Variants in BCAR1 observed in about 807,000 individuals in gnomAD.
BCAR1 encodes the protein breast cancer anti-estrogen resistance protein 1.
Under a neutral mutation model 67.6 loss-of-function variants are expected in BCAR1, and 30 were observed. That is an observed-to-expected ratio of 0.44 (90% CI 0.33 to 0.60). The LOEUF is 0.60. Ranked by LOEUF, BCAR1 falls within the 20% of genes least tolerant of loss-of-function variation. BCAR1 has a pLI of 0.02. For missense variants in BCAR1, 1,313 were observed against 1,222.3 expected, an observed-to-expected ratio of 1.07 and a Z score of -1.11; for synonymous variants, 626 against 556.7, an observed-to-expected ratio of 1.12 and a Z score of -1.75.
At position 75,228,603 on chromosome 16, in the gene BCAR1, T is replaced by G. The variant is rs2076784997; in HGVS notation, c.*908A>C. 1 of 152,394 alleles carries G rather than the reference T, an allele frequency of 6.6e-6. No homozygotes were observed. The allele number at this position is 152,394 out of a possible 1,614,324, so 9.4% of individuals were successfully genotyped here. ...GATGAGATTCTTTTAAGCAGAGCTC[T>G]GGATGCAGCCCCCAGCGGTGCCCTC... On this transcript the variant is annotated 3_prime_UTR_variant, in exon 7 of 7. Transcript: ENST00000162330.
chr16:75,267,393 CCG>C (rs1491496537), intron 1 of BCAR1, among the ~76,000 whole-genome samples: 1 of 25,760 alleles, frequency 3.9e-5, no homozygotes, highest in African/African-American at 9.2e-5. Flanking sequence ...CCACAGCAAG[CCG>C]GGGGGGGGGT....
intron 2 of BCAR1, 87 bp downstream of exon 2, chr16:75,242,383 T>A: frequency 7.6e-7 from 1 of 1,319,910 alleles, no homozygotes; most frequent in Non-Finnish European, 9.7e-7. Context: ...ATGCCGGTGA[T>A]TGAGGGTGGC....
At chr16:75,254,900 G>T (rs1017929197), upstream of BCAR1, among the ~76,000 whole-genome samples, 2 of 152,220 alleles carry the variant, frequency 1.3e-5, no homozygotes, top group Non-Finnish European at 2.9e-5. Flanking sequence ...GACCCAAGTG[G>T]AAAGATAAGC....
At chr16:75,263,756 G>C (rs930647156) in intron 1 of BCAR1, 1 of 986,036 alleles carries the variant, frequency 1.0e-6, no homozygotes, top group South Asian at 4.7e-5. Flanking sequence ...TTAAAACCCA[G>C]ACGTGTCCCT....
Position 75,233,831 on chromosome 16 carries a change from G to C in BCAR1, c.2100+15C>G. ...AGCGGGCAAAGCTGGGCCTTGCTCT[G>C]CTCCGGGGCCTCACCTGCTGCAACT... On this transcript the variant is annotated intron_variant, in intron 6 of 6. Coordinates refer to ENST00000162330, the MANE Select transcript of BCAR1 (RefSeq NM_014567.5). 1 of 1,590,244 alleles carries C rather than the reference G, an allele frequency of 6.3e-7. No individual in the cohort carries two copies. The highest frequency in any genetic ancestry group is 8.6e-7 in the Non-Finnish European group (1 of 1,168,520).
chr16:75,264,639 C>T (rs1020240780), intron 1 of BCAR1: 8 of 1,262,146 alleles, frequency 6.3e-6, no homozygotes, highest in African/African-American at 1.5e-5. Context: ...CGAGCAGGAG[C>T]GGGCTCTTTA....
chr16:75,242,291 C>A (rs1240655371), intron 2 of BCAR1, among the ~76,000 whole-genome samples, 179 bp downstream of exon 2: 1 of 152,230 alleles, frequency 6.6e-6, no homozygotes, highest in Non-Finnish European at 1.5e-5. Context: ...CCATTCACAT[C>A]CATCTTCCCC....
At chr16:75,239,150 G>T (rs1377216008) in intron 2 of BCAR1, 3 of 971,794 alleles carry the variant, frequency 3.1e-6, no homozygotes, top group Non-Finnish European at 3.7e-6. Context: ...AGGGGGAAAA[G>T]CTCTTTAGGG....
At position 75,242,765 on chromosome 16, in the gene BCAR1, C is replaced by G. The variant is rs933738202; in HGVS notation, c.338G>C (p.Ser113Thr). 1 of 1,595,888 alleles carries G rather than the reference C, an allele frequency of 6.3e-7. No individual in the cohort carries two copies. The highest frequency in any genetic ancestry group is 8.5e-7 in the Non-Finnish European group (1 of 1,171,288). The change falls in exon 2 of 7, where the codon AGC becomes ACC. Residue 113 changes from serine to threonine, a missense_variant. Transcript: ENST00000162330. ...LPNTYQPQPDSVYLVPTPSKA... is the reference protein window; with the variant it reads ...LPNTYQPQPDTVYLVPTPSKA... ...GCTGGGAGTGGGCACCAGGTAGACG[C>G]TGTCTGGCTGGGGCTGGTAGGTGTT...
In BCAR1 at chr16:75,233,782, C is replaced by A. The variant is rs908656322; in HGVS notation, c.2100+64G>T. 6.6e-6 allele frequency: 10 copies of A among 1,511,282 alleles called. 1 individual carries two copies. The highest frequency in any genetic ancestry group is 5.5e-5 in the African/African-American group (4 of 72,432). 93.6% of individuals were successfully genotyped at this position (1,511,282 alleles called of 1,614,324 possible). A position where few individuals can be genotyped will look rare whatever the true frequency, so the allele number is the denominator to read the frequency against. On this transcript the variant is annotated intron_variant, in intron 6 of 6. Coordinates refer to ENST00000162330, the MANE Select transcript of BCAR1 (RefSeq NM_014567.5). The stretch of plus-strand genomic sequence containing the variant: ...GGGACCCGGGGTCGGCCCTGCAGGG[C>A]AAGAGCTGGGGGCTCAGGGGGTCAG...
upstream of BCAR1, chr16:75,252,008 C>T (rs2077692938): frequency 7.8e-6 from 5 of 644,156 alleles, no homozygotes; most frequent in Non-Finnish European, 1.3e-5. Context: ...CTTGTCTTTC[C>T]CGCTAACCAA....
chr16:75,263,648 C>T (rs1415442707), intron 1 of BCAR1: 1 of 985,478 alleles, frequency 1.0e-6, no homozygotes, highest in Non-Finnish European at 1.2e-6. Context: ...CCTGCTTCCC[C>T]TCCCATCCCC....
chr16:75,253,700 G>A (rs2077722648), upstream of BCAR1, among the ~76,000 whole-genome samples: 1 of 152,196 alleles, frequency 6.6e-6, no homozygotes, highest in African/African-American at 2.4e-5. Flanking sequence ...TGGAAACAAG[G>A]CCCCAGAAGT....
intron 2 of BCAR1, among the ~76,000 whole-genome samples, chr16:75,241,661 C>G (rs2077346384): frequency 6.6e-6 from 1 of 152,230 alleles, no homozygotes; most frequent in Non-Finnish European, 1.5e-5. Context: ...CCAACGACCT[C>G]CGGCCATGCC....
At chr16:75,243,606 T>C (rs1181951011) in intron 1 of BCAR1, 30 of 434,596 alleles carry the variant, frequency 6.9e-5, no homozygotes, top group South Asian at 4.6e-4. Context: ...CAGTAATTAA[T>C]TTAGAAACTT....
intron 6 of BCAR1, among the ~76,000 whole-genome samples, chr16:75,232,522 T>C (rs919134852): frequency 6.6e-6 from 1 of 151,980 alleles, no homozygotes; most frequent in East Asian, 1.9e-4. Context: ...TCTCAAACCC[T>C]TGGCCTCAAG....
chr16:75,254,908 A>G (rs1310338642), upstream of BCAR1, among the ~76,000 whole-genome samples: 1 of 152,210 alleles, frequency 6.6e-6, no homozygotes, highest in Non-Finnish European at 1.5e-5. Flanking sequence ...TGGAAAGATA[A>G]GCCTGGGATA....
Position 75,242,861 on chromosome 16 carries a change from G to A in BCAR1, c.242C>T (p.Thr81Ile). The A allele has an allele frequency of 3.1e-6, 5 of 1,609,508 alleles. No homozygotes were observed. Among genetic ancestry groups the A allele is most frequent in the African/African-American group, 1.3e-5 (1 of 75,004 alleles). ...PAGPGPGPPA[T>I]PAQPQPGLHA... ...GAGGCCAGGCTGAGGCTGGGCCGGGGTGGCGGGAGGGCCGGGGCCAGGCCC... is the reference window on the plus strand; with the variant it reads ...GAGGCCAGGCTGAGGCTGGGCCGGGATGGCGGGAGGGCCGGGGCCAGGCCC... The change falls in exon 2 of 7, where the codon ACC becomes ATC. Residue 81 changes from threonine (T) to isoleucine (I), a missense_variant. This residue lies in a region of BCAR1 where 1,272 missense variants were observed against 1,137.5 expected (regional missense o/e 1.12). Coordinates refer to ENST00000162330, the MANE Select transcript of BCAR1 (RefSeq NM_014567.5).
intron 2 of BCAR1, chr16:75,238,520 G>T (rs1733404861): frequency 1.0e-6 from 1 of 993,894 alleles, no homozygotes; most frequent in African/African-American, 1.7e-5. Context: ...CTTGCTGAGG[G>T]TGCTGTGAGG....
Sources: gnomAD v4.1 joint callset for allele counts (sites outside exome capture counted in the v4.1 genomes callset) on GRCh38, gnomAD v4.1.1 for gene constraint, gnomAD v4.1.1 regional missense constraint, MANE v1.5 for transcripts, NCBI Gene and HGNC (gene_info 2026-07-23, HGNC 2026-07-21) for gene names.